The following FOXP1 variants were observed in gnomAD, a reference collection of about 807,000 sequenced individuals.
The protein encoded by FOXP1 is forkhead box P1, also known as forkhead box protein P1.
A neutral mutation model predicts 98.2 loss-of-function variants in FOXP1; 15 were observed. The observed-to-expected ratio is 0.15, with a 90% confidence interval of 0.10 to 0.24. The LOEUF is 0.24. Among genes scored for constraint, FOXP1 ranks in the 10% least tolerant of loss-of-function variants. FOXP1 has a pLI of 1.00. For missense variants in FOXP1, 633 were observed against 848.5 expected, an observed-to-expected ratio of 0.75 and a Z score of 3.15; for synonymous variants, 371 against 314.5, an observed-to-expected ratio of 1.18 and a Z score of -1.90.
intron 6 of FOXP1, among the ~76,000 whole-genome samples, chr3:71,193,920 T>C (rs1271230008): frequency 6.6e-6 from 1 of 152,094 alleles, no homozygotes; most frequent in East Asian, 1.9e-4. Context: ...TCAAGAGAAG[T>C]TCCCTATCTA....
At chr3:71,392,991 T>C (rs887760654) in intron 3 of FOXP1, among the ~76,000 whole-genome samples, 1 of 152,210 alleles carries the variant, frequency 6.6e-6, no homozygotes, top group Non-Finnish European at 1.5e-5. Context: ...AATTTTTTTA[T>C]TGAGATAGCC....
intron 2 of FOXP1, among the ~76,000 whole-genome samples, chr3:71,577,291 A>G (rs2047797668): frequency 6.6e-6 from 1 of 152,200 alleles, no homozygotes; most frequent in Admixed American, 6.5e-5. Flanking sequence ...CTGTAAGAAC[A>G]TTATCTATGG....
At chr3:71,091,813 T>G (rs2055877617) in intron 7 of FOXP1, among the ~76,000 whole-genome samples, 1 of 151,992 alleles carries the variant, frequency 6.6e-6, no homozygotes, top group African/African-American at 2.4e-5. Flanking sequence ...GGGAGAGAGG[T>G]ATGAGAAACA....
chr3:71,582,490 C>T (rs918879232), intron 1 of FOXP1: 1 of 985,304 alleles, frequency 1.0e-6, no homozygotes, highest in Non-Finnish European at 1.2e-6. Flanking sequence ...AGGAAGGCTG[C>T]GCGCAAGCGA....
At chr3:71,403,369 A>C (rs1016391239) in intron 3 of FOXP1, among the ~76,000 whole-genome samples, 7 of 152,206 alleles carry the variant, frequency 4.6e-5, no homozygotes, top group African/African-American at 1.7e-4. Context: ...CATCACTGAA[A>C]GTTTTCAGGG....
At chr3:71,335,509 A>G (rs903061075) in intron 4 of FOXP1, among the ~76,000 whole-genome samples, 5 of 152,152 alleles carry the variant, frequency 3.3e-5, no homozygotes, top group Non-Finnish European at 7.4e-5. Context: ...AAGAAAGGAG[A>G]TAAAGATGTA....
chr3:71,033,007 C>T (rs968532664), intron 11 of FOXP1, among the ~76,000 whole-genome samples: 1 of 152,108 alleles, frequency 6.6e-6, no homozygotes, highest in African/African-American at 2.4e-5. Context: ...AAGAGTAAAA[C>T]CGAGTACCAT....
chr3:71,161,869 A>G lies in FOXP1; in HGVS notation c.180+36333T>C, dbSNP rs564665646. Among the ~76,000 whole-genome samples the G allele has an allele frequency of 2.6e-4, 40 of 152,348 alleles. No individual in the cohort carries two copies. The South Asian group carries it at 8.3e-3, about 32-fold the overall frequency. On this transcript the variant is annotated intron_variant, in intron 6 of 20. Transcript: ENST00000649528. ...GAATGGGGAAGTCACAAGAACCACT[A>G]CATAGATAAAAATCAACAGTGATGA...
At chr3:71,198,699 C>CTT (rs1002051239) in intron 5 of FOXP1, among the ~76,000 whole-genome samples, 1 of 146,288 alleles carries the variant, frequency 6.8e-6, no homozygotes, top group Non-Finnish European at 1.5e-5. Context: ...TTTCTTTTTT[C>CTT]TTTTTTTTTT....
At chr3:71,534,864 G>A (rs1291000952) in intron 2 of FOXP1, among the ~76,000 whole-genome samples, 1 of 152,182 alleles carries the variant, frequency 6.6e-6, no homozygotes, top group African/African-American at 2.4e-5. Flanking sequence ...TTAAAAGTAT[G>A]AGCATTTCCT....
At chr3:71,328,615 G>A (rs2076067237) in intron 4 of FOXP1, among the ~76,000 whole-genome samples, 1 of 152,202 alleles carries the variant, frequency 6.6e-6, no homozygotes, top group East Asian at 1.9e-4. Context: ...CCAGACACAA[G>A]ATAGTGAAGA....
intron 4 of FOXP1, chr3:71,329,727 C>T (rs920046709): frequency 2.6e-5 from 4 of 152,156 alleles, no homozygotes; most frequent in African/African-American, 9.7e-5. Context: ...TTCTATAGTA[C>T]AGCACTGAGA....
At chr3:71,580,689 G>A (rs939480387) in intron 2 of FOXP1, 3 of 634,028 alleles carry the variant, frequency 4.7e-6, no homozygotes, top group African/African-American at 2.0e-5. Flanking sequence ...GGGGAAAGGG[G>A]ATGGAATGGA....
At chr3:71,535,068 G>A (rs1187011180) in intron 2 of FOXP1, among the ~76,000 whole-genome samples, 3 of 152,166 alleles carry the variant, frequency 2.0e-5, no homozygotes, top group African/African-American at 4.8e-5. Flanking sequence ...GCAGGGAAGG[G>A]AAGAGCATTT....
In FOXP1 at chr3:71,036,299, A is replaced by T. The variant is rs112527604; in HGVS notation, c.869+5029T>A. Among the ~76,000 whole-genome samples, 443 of 152,348 alleles carry T rather than the reference A, an allele frequency of 2.9e-3. 1 individual carries two copies. The highest frequency in any genetic ancestry group is 4.9e-3 in the Non-Finnish European group (335 of 68,026). On this transcript the variant is annotated intron_variant, in intron 11 of 20. Coordinates refer to ENST00000649528, the MANE Select transcript of FOXP1 (RefSeq NM_001349338.3). ...AAGGACTATCGTGACTGAAGAGAGC[A>T]TAGGTTAAACCTCATAGAGTAAAGC... is the stretch of plus-strand genomic sequence containing the variant.
intron 5 of FOXP1, among the ~76,000 whole-genome samples, chr3:71,280,479 C>G (rs1194729129): frequency 1.3e-5 from 2 of 151,902 alleles, no homozygotes; most frequent in Admixed American, 6.6e-5. Context: ...CACCACCATG[C>G]TCGGCTAATT....
intron 3 of FOXP1, among the ~76,000 whole-genome samples, chr3:71,400,610 G>A (rs911888072): frequency 2.0e-5 from 3 of 152,068 alleles, no homozygotes; most frequent in African/African-American, 4.8e-5. Flanking sequence ...CACCCACCTC[G>A]GCCTCCCAAA....
chr3:71,515,449 A>AAAAAAAAAAAAAAAAAAAAAAAAAAAAC (rs1560592247), intron 2 of FOXP1, among the ~76,000 whole-genome samples: 1 of 140,596 alleles, frequency 7.1e-6, no homozygotes. Flanking sequence ...AAAAAAAAAA[A>AAAAAAAAAAAAAAAAAAAAAAAAAAAAC]AAAACTGCAC....
intron 5 of FOXP1, among the ~76,000 whole-genome samples, chr3:71,281,434 G>C (rs1458764513): frequency 8.5e-5 from 13 of 152,124 alleles, no homozygotes; most frequent in Admixed American, 8.5e-4. Flanking sequence ...TGAGTGGTGA[G>C]AAAGCACCCG....
Sources: gnomAD v4.1 joint callset for allele counts (sites outside exome capture counted in the v4.1 genomes callset) on GRCh38, gnomAD v4.1.1 for gene constraint, MANE v1.5 for transcripts, NCBI Gene and HGNC (gene_info 2026-07-23, HGNC 2026-07-21) for gene names.